EIF2S3: variants seen among roughly 807,000 people sequenced by gnomAD.
EIF2S3 encodes eukaryotic translation initiation factor 2 subunit gamma.
In EIF2S3, 2 loss-of-function variants were observed where a neutral mutation model predicts 31.7. That is an observed-to-expected ratio of 0.06 (90% CI 0.03 to 0.20). EIF2S3 has a LOEUF of 0.20. EIF2S3 is among the 10% of genes least tolerant of loss of function. The pLI is 1.00. For synonymous variants in EIF2S3, 120 were observed against 126.7 expected, an observed-to-expected ratio of 0.95 and a Z score of 0.36; for missense variants, 96 against 359.3, an observed-to-expected ratio of 0.27 and a Z score of 5.92.
chrX:24,061,493 A>T (rs1180397598), intron 5 of EIF2S3, among the ~76,000 whole-genome samples: 1 of 108,989 alleles, frequency 9.2e-6, no homozygotes, highest in Non-Finnish European at 1.9e-5. Flanking sequence ...TGGGAGGCGG[A>T]GGTTGCAGTG....
Position 24,073,054 on chromosome X carries a change from A to G in EIF2S3, c.1183-37A>G, listed in dbSNP as rs747125810. ...CTTACATTTGGAAAGCATTTTCTTG[A>G]TTTTGGGGTTTATTTTTCCCTAATT... is the stretch of plus-strand genomic sequence containing the variant. On this transcript the variant is annotated intron_variant, in intron 10 of 11. Transcript: ENST00000253039. 5 of 1,174,245 alleles carry G rather than the reference A, an allele frequency of 4.3e-6. No homozygotes were observed. In the South Asian group the frequency reaches 9.6e-5, roughly 23 times the overall value.
At position 24,064,057 on chromosome X, in the gene EIF2S3, T is replaced by C. The variant is rs999538015; in HGVS notation, c.638-144T>C. 6.8e-5 allele frequency: 32 copies of C among 472,411 alleles called. No individual in the cohort carries two copies. The African/African-American group carries it at 7.3e-4, about 11-fold the overall frequency. The allele number at this position is 472,411 out of a possible 1,213,427, so 38.9% of individuals were successfully genotyped here. A position where few individuals can be genotyped will look rare whatever the true frequency, so the allele number is the denominator to read the frequency against. ...ATTGCCATCTTTCTAAACAGAATTA[T>C]CCACTTTCCACTTGTTGCTGACATT... is the stretch of plus-strand genomic sequence containing the variant. On this transcript the variant is annotated intron_variant, in intron 6 of 11. Transcript: ENST00000253039.
chrX:24,065,949 C>T (rs747727293), intron 7 of EIF2S3, 49 bp from the exon 8 acceptor site: 16 of 1,055,849 alleles, frequency 1.5e-5, no homozygotes, highest in Middle Eastern at 5.2e-4. Flanking sequence ...AATAATATTT[C>T]TTCTAAAGTT....
At chrX:24,067,734 C>T (rs1048107342) in intron 8 of EIF2S3, among the ~76,000 whole-genome samples, 10 of 108,212 alleles carry the variant, frequency 9.2e-5, no homozygotes, top group Admixed American at 3.0e-4. Context: ...ATTACAGGTG[C>T]GTGCCACCAC....
intron 4 of EIF2S3, among the ~76,000 whole-genome samples, chrX:24,058,300 G>A (rs189497851): frequency 2.9e-4 from 32 of 111,509 alleles, no homozygotes; most frequent in Non-Finnish European, 3.8e-4. Flanking sequence ...TGGGCCTGGC[G>A]GTGGCAGGTA....
chrX:24,057,775 A>G (rs747044374), intron 4 of EIF2S3, 21 bp downstream of exon 4: 29 of 1,186,866 alleles, frequency 2.4e-5, no homozygotes, highest in Non-Finnish European at 3.3e-5. Flanking sequence ...TTTTGCTACA[A>G]ACACTACACT....
At chrX:24,059,112 A>G (rs1930452173) in intron 4 of EIF2S3, among the ~76,000 whole-genome samples, 1 of 112,285 alleles carries the variant, frequency 8.9e-6, no homozygotes, top group African/African-American at 3.2e-5. Context: ...GGGATCAGCA[A>G]ACTTTTTCCA....
chrX:24,061,991 G>A (rs1459067098), intron 5 of EIF2S3, among the ~76,000 whole-genome samples: 1 of 111,407 alleles, frequency 9.0e-6, no homozygotes, highest in East Asian at 2.8e-4. Flanking sequence ...GGCAACAGAG[G>A]ATGAAGCAGG....
At chrX:24,068,257 T>G in intron 9 of EIF2S3, 149 bp downstream of exon 9, 3 of 519,101 alleles carry the variant, frequency 5.8e-6, no homozygotes, top group Non-Finnish European at 8.7e-6. Flanking sequence ...GGTTAAGCTC[T>G]TGTTTTAGGT....
At chrX:24,056,040 G>A (rs1416533243) in intron 2 of EIF2S3, among the ~76,000 whole-genome samples, 1 of 112,114 alleles carries the variant, frequency 8.9e-6, no homozygotes, top group Non-Finnish European at 1.9e-5. Context: ...TACAAGCTGT[G>A]ATTAAATAGA....
chrX:24,064,409 A>G (rs1930539784), intron 7 of EIF2S3, 74 bp downstream of exon 7: 1 of 1,064,868 alleles, frequency 9.4e-7, no homozygotes, highest in Non-Finnish European at 1.2e-6. Flanking sequence ...AAGGATGTTT[A>G]TTAATATTTC....
chrX:24,073,553 C>T (rs993845111), intron 11 of EIF2S3: 5 of 150,496 alleles, frequency 3.3e-5, no homozygotes, highest in Non-Finnish European at 5.1e-5. Flanking sequence ...ATTAGCCGGG[C>T]GTGGTGGCGG....
intron 2 of EIF2S3, among the ~76,000 whole-genome samples, chrX:24,056,844 A>C (rs1293183823): frequency 8.9e-6 from 1 of 111,909 alleles, no homozygotes; most frequent in Non-Finnish European, 1.9e-5. Context: ...GGGCAGCAGC[A>C]GGAGACCCTG....
chrX:24,065,432 G>A (rs772603930), intron 7 of EIF2S3, among the ~76,000 whole-genome samples: 14 of 110,969 alleles, frequency 1.3e-4, no homozygotes, highest in Non-Finnish European at 2.3e-4. Context: ...ACCATCCTGG[G>A]CATTAAGGGA....
rs1203614025 is a variant in EIF2S3 at position 24,077,930 on chromosome X, G to T, written c.*1145G>T. 2 of 111,680 alleles carry T rather than the reference G, an allele frequency of 1.8e-5. No homozygotes were observed. The highest frequency in any genetic ancestry group is 6.5e-5 in the African/African-American group (2 of 30,783). The allele number at this position is 111,680 out of a possible 1,213,427, so 9.2% of individuals were successfully genotyped here. ...TAGATTATACTACTACTAATTTTTG[G>T]ATGTTTCAAAAGGTCAAGAAGTAAA... On this transcript the variant is annotated 3_prime_UTR_variant, in exon 12 of 12. Coordinates refer to ENST00000253039, the MANE Select transcript of EIF2S3 (RefSeq NM_001415.4).
intron 2 of EIF2S3, among the ~76,000 whole-genome samples, chrX:24,057,093 C>T (rs1354132450): frequency 2.7e-5 from 3 of 112,543 alleles, no homozygotes; most frequent in African/African-American, 6.4e-5. Context: ...TGCAGTGGCA[C>T]GATCTCGGCT....
chrX:24,072,824 C>T (rs972653977), intron 10 of EIF2S3, among the ~76,000 whole-genome samples: 1 of 111,344 alleles, frequency 9.0e-6, no homozygotes, highest in Admixed American at 9.7e-5. Flanking sequence ...AATTTTGTAC[C>T]TCATTTGTAC....
At position 24,057,423 on chromosome X, in the gene EIF2S3, A is replaced by G; in HGVS notation, c.136A>G (p.Thr46Ala). Reference sequence around the variant, plus strand: ...AATTTTTTGAACTTTGTCCATAGGTACAATTGGTCATGTAGCTCATGGGAA... The same window carrying G: ...AATTTTTTGAACTTTGTCCATAGGTGCAATTGGTCATGTAGCTCATGGGAA... ...ISRQATINIGTIGHVAHGKST... is the reference protein window; with the variant it reads ...ISRQATINIGAIGHVAHGKST... Residue 46 changes from threonine to alanine, a missense_variant and splice_region_variant, in exon 3 of 12, where the codon ACA (threonine) becomes GCA (alanine). Physicochemically the swap from Thr to Ala is moderately conservative, Grantham distance 58. Around this residue, in one of 5 missense-constraint regions of EIF2S3, gnomAD observed 7 missense variants for 45.1 expected, o/e 0.16. Coordinates refer to ENST00000253039, the MANE Select transcript of EIF2S3 (RefSeq NM_001415.4). 1 of 1,198,967 alleles carries G rather than the reference A, an allele frequency of 8.3e-7. No homozygotes were observed. Among genetic ancestry groups the G allele is most frequent in the Non-Finnish European group, 1.1e-6 (1 of 891,836 alleles).
chrX:24,061,085 G>C (rs778100385), intron 5 of EIF2S3, among the ~76,000 whole-genome samples: 1 of 106,232 alleles, frequency 9.4e-6, no homozygotes, highest in Non-Finnish European at 1.9e-5. Flanking sequence ...GCGAAACCCT[G>C]TCTCTGCTAA....
Sources: gnomAD v4.1 joint callset for allele counts (sites outside exome capture counted in the v4.1 genomes callset) on GRCh38, gnomAD v4.1.1 for gene constraint, gnomAD v4.1.1 regional missense constraint, MANE v1.5 for transcripts, NCBI Gene and HGNC (gene_info 2026-07-23, HGNC 2026-07-21) for gene names.